The following MCOLN2 variants were observed in gnomAD, a reference collection of about 807,000 sequenced individuals.
MCOLN2 encodes mucolipin-2.
Under a neutral mutation model 67.5 loss-of-function variants are expected in MCOLN2, and 57 were observed. The ratio of observed to expected loss-of-function variants is 0.84; its 90% CI spans 0.68 to 1.05. The LOEUF is 1.05. Among genes scored for constraint, MCOLN2 ranks in the 50% least tolerant of loss-of-function variants. The pLI is 0.00. For synonymous variants in MCOLN2, 246 were observed against 233.3 expected, an observed-to-expected ratio of 1.05 and a Z score of -0.50; for missense variants, 620 against 678.8, an observed-to-expected ratio of 0.91 and a Z score of 0.96.
intron 1 of MCOLN2, among the ~76,000 whole-genome samples, chr1:84,982,367 C>G (rs1017370843): frequency 1.2e-4 from 19 of 152,274 alleles, no homozygotes; most frequent in African/African-American, 4.6e-4. Flanking sequence ...GAACTCCTGG[C>G]CTCAAGCAAG....
chr1:84,931,188 G>C (rs1429218972), intron 12 of MCOLN2, among the ~76,000 whole-genome samples, 174 bp downstream of exon 12: 1 of 152,068 alleles, frequency 6.6e-6, no homozygotes, highest in Non-Finnish European at 1.5e-5. Flanking sequence ...AATCCACCCT[G>C]CTGTGGGTAA....
chr1:84,959,811 C>A (rs1240943273), intron 2 of MCOLN2, among the ~76,000 whole-genome samples: 1 of 152,140 alleles, frequency 6.6e-6, no homozygotes. Flanking sequence ...CTAGATGACC[C>A]TGACAGTTCT....
chr1:84,952,386 A>T, intron 5 of MCOLN2, 47 bp from the exon 6 acceptor site: 2 of 1,572,362 alleles, frequency 1.3e-6, no homozygotes, highest in African/African-American at 1.3e-5. Context: ...ATCTTACTAT[A>T]TACTATTCTC....
At chr1:84,963,159 A>G (rs1307062202) in intron 2 of MCOLN2, among the ~76,000 whole-genome samples, 1 of 152,196 alleles carries the variant, frequency 6.6e-6, no homozygotes, top group Non-Finnish European at 1.5e-5. Flanking sequence ...CCTTTGCTCC[A>G]GTTTCTTCAT....
At chr1:84,990,926 C>A (rs1009577145) in intron 1 of MCOLN2, among the ~76,000 whole-genome samples, 4 of 151,390 alleles carry the variant, frequency 2.6e-5, no homozygotes, top group Non-Finnish European at 5.9e-5. Context: ...CAGAACACGA[C>A]CCAGGCTGGA....
Position 84,945,446 on chromosome 1 carries a change from G to A in MCOLN2, c.847+1587C>T, listed in dbSNP as rs1220616569. Among the ~76,000 whole-genome samples the A allele has an allele frequency of 2.0e-5, 3 of 152,300 alleles. 1 individual carries two copies. In the East Asian group the frequency reaches 5.8e-4, roughly 29 times the overall value. ...ACAGAAACTGAAACTATAATCGGTG[G>A]CTTAAGTCAGTCAGTGAAATTATTG... On this transcript the variant is annotated intron_variant, in intron 7 of 13. Transcript: ENST00000370608.
chr1:84,965,675 T>C lies in MCOLN2; in HGVS notation c.111A>G (p.Lys37=). The C allele has an allele frequency of 1.2e-6, 2 of 1,613,716 alleles. No homozygotes were observed. Among genetic ancestry groups the C allele is most frequent in the Non-Finnish European group, 1.7e-6 (2 of 1,179,858 alleles). Residue 37 remains lysine (K), a synonymous_variant, in exon 2 of 14, where the codon AAA becomes AAG. Coordinates refer to ENST00000370608, the MANE Select transcript of MCOLN2 (RefSeq NM_153259.4). The stretch of plus-strand genomic sequence containing the variant: ...TCAGGTCTTCCCTTAGACATTCTTC[T>C]TTCATCTCAGAATCACGATGTGCCA... The part of the protein sequence containing the change: ...NAMAHRDSEM[K]EECLREDLKF...
rs535060012 is a variant in MCOLN2, at chr1:84,995,096, C to G, written c.77+1700G>C. Among the ~76,000 whole-genome samples, 4 of 152,224 alleles carry G rather than the reference C, an allele frequency of 2.6e-5. No homozygotes were observed. The South Asian group carries it at 8.3e-4, about 32-fold the overall frequency. ...ATACAACATTTATTAATTGAGTTCC[C>G]TGTCTTATATGGGCACAGTTCATGG... is the stretch of plus-strand genomic sequence containing the variant. On this transcript the variant is annotated intron_variant, in intron 1 of 13. Transcript: ENST00000370608.
At chr1:84,994,769 CT>C (rs1009823770) in intron 1 of MCOLN2, among the ~76,000 whole-genome samples, 1 of 152,212 alleles carries the variant, frequency 6.6e-6, no homozygotes, top group African/African-American at 2.4e-5. Flanking sequence ...TGTATTTTCA[CT>C]GGAGTAGCAC....
chr1:84,983,769 C>A (rs578115261), intron 1 of MCOLN2, among the ~76,000 whole-genome samples: 1 of 151,262 alleles, frequency 6.6e-6, no homozygotes, highest in East Asian at 1.9e-4. Context: ...CTCCGCCTCC[C>A]GGGTTCAAGC....
chr1:84,989,966 T>C (rs1180040890), intron 1 of MCOLN2, among the ~76,000 whole-genome samples: 1 of 152,132 alleles, frequency 6.6e-6, no homozygotes, highest in African/African-American at 2.4e-5. Flanking sequence ...TAAATTTGGA[T>C]TGGCACTTGG....
intron 12 of MCOLN2, among the ~76,000 whole-genome samples, chr1:84,931,025 T>C (rs1661378704): frequency 6.6e-6 from 1 of 152,132 alleles, no homozygotes; most frequent in South Asian, 2.1e-4. Flanking sequence ...TCACCTCTCA[T>C]CCCTGAAACT....
chr1:84,952,380 TACTATATA>T, intron 5 of MCOLN2, 41 bp from the exon 6 acceptor site: 1 of 1,570,574 alleles, frequency 6.4e-7, no homozygotes, highest in Non-Finnish European at 8.8e-7. Flanking sequence ...GTCATAATCT[TACTATATA>T]CTATTCTCCT....
At chr1:84,982,329 G>T (rs558912050) in intron 1 of MCOLN2, among the ~76,000 whole-genome samples, 2 of 152,052 alleles carry the variant, frequency 1.3e-5, no homozygotes, top group Non-Finnish European at 2.9e-5. Context: ...TAGAGATGGG[G>T]TCTCACTATG....
chr1:84,962,725 T>C (rs140752773), intron 2 of MCOLN2, among the ~76,000 whole-genome samples: 9 of 152,170 alleles, frequency 5.9e-5, no homozygotes, highest in African/African-American at 1.9e-4. Context: ...AAGAGAATCA[T>C]TGGGTTGGCC....
intron 1 of MCOLN2, among the ~76,000 whole-genome samples, chr1:84,968,321 C>A (rs993062476): frequency 1.3e-5 from 2 of 152,186 alleles, no homozygotes; most frequent in African/African-American, 4.8e-5. Flanking sequence ...TGTGGGCCTG[C>A]TTGGTTCTGG....
chr1:84,944,033 G>A (rs1362600282), intron 7 of MCOLN2, among the ~76,000 whole-genome samples: 2 of 152,126 alleles, frequency 1.3e-5, no homozygotes, highest in Non-Finnish European at 2.9e-5. Context: ...CTTATGAAAT[G>A]CAAGGACAGC....
chr1:84,951,758 A>G (rs1009809705), intron 6 of MCOLN2, among the ~76,000 whole-genome samples: 5 of 152,242 alleles, frequency 3.3e-5, no homozygotes, highest in African/African-American at 1.2e-4. Flanking sequence ...TTCAGAAGTA[A>G]TGGTCTCTGG....
At chr1:84,990,959 T>C (rs1021928618) in intron 1 of MCOLN2, among the ~76,000 whole-genome samples, 1 of 151,928 alleles carries the variant, frequency 6.6e-6, no homozygotes, top group Non-Finnish European at 1.5e-5. Flanking sequence ...AGCATTTATA[T>C]GTGTATATAG....
Sources: allele counts gnomAD v4.1 joint callset (sites outside exome capture counted in the v4.1 genomes callset), GRCh38; gene constraint gnomAD v4.1.1; transcripts MANE v1.5; gene names NCBI Gene and HGNC (gene_info 2026-07-23, HGNC 2026-07-21).